VAC14: variants seen among roughly 807,000 people sequenced by gnomAD.
VAC14 encodes the protein protein VAC14 homolog.
Under a neutral mutation model 85.3 loss-of-function variants are expected in VAC14, and 47 were observed. The ratio of observed to expected loss-of-function variants is 0.55; its 90% CI spans 0.44 to 0.70. The LOEUF (loss-of-function observed/expected upper bound fraction) is 0.70. Among genes scored for constraint, VAC14 ranks in the 30% least tolerant of loss-of-function variants. The pLI is 0.00. For missense variants in VAC14, 861 were observed against 1,004.3 expected, an observed-to-expected ratio of 0.86 and a Z score of 1.93; for synonymous variants, 447 against 430.5, an observed-to-expected ratio of 1.04 and a Z score of -0.47.
At chr16:70,735,147 C>G (rs1241993520) in intron 13 of VAC14, among the ~76,000 whole-genome samples, 4 of 152,074 alleles carry the variant, frequency 2.6e-5, no homozygotes, top group East Asian at 1.9e-4. Flanking sequence ...CTGGCCGCAG[C>G]TCTCTGGAAA....
At chr16:70,789,635 A>G (rs139413814) in intron 1 of VAC14, among the ~76,000 whole-genome samples, 141 of 152,366 alleles carry the variant, frequency 9.3e-4, no homozygotes, top group African/African-American at 2.4e-3. Flanking sequence ...CACTGCCTAA[A>G]GAATTTATAA....
intron 12 of VAC14, chr16:70,747,592 A>G (rs1185739205): frequency 6.6e-6 from 1 of 151,870 alleles, no homozygotes; most frequent in Non-Finnish European, 1.5e-5. Flanking sequence ...GTGGGGTCTC[A>G]CCCACTCCCT....
intron 13 of VAC14, among the ~76,000 whole-genome samples, chr16:70,735,273 G>A (rs1380698796): frequency 1.3e-5 from 2 of 151,978 alleles, no homozygotes; most frequent in African/African-American, 4.8e-5. Flanking sequence ...CTTTCTCCCT[G>A]GACCAGTGAG....
intron 1 of VAC14, among the ~76,000 whole-genome samples, chr16:70,799,911 T>G (rs533814435): frequency 6.6e-6 from 1 of 152,318 alleles, no homozygotes; most frequent in South Asian, 2.1e-4. Context: ...AAACTAAAGT[T>G]TAATCTTTAA....
intron 13 of VAC14, among the ~76,000 whole-genome samples, chr16:70,738,284 G>T (rs12449025): frequency 7.2e-5 from 11 of 151,980 alleles, no homozygotes; most frequent in African/African-American, 2.7e-4. Flanking sequence ...AAAGGCCGCC[G>T]CAATGGCACC....
rs7189695 is a variant in VAC14, at chr16:70,748,813, C to G, written c.1372-4234G>C. On this transcript the variant is annotated intron_variant, in intron 12 of 18. Coordinates refer to ENST00000261776, the MANE Select transcript of VAC14 (RefSeq NM_018052.5). ...AATACAAAAATTAGTTGGTATGGTG[C>G]TGCGAATCTGTAATCCTAGCTACTC... is the stretch of plus-strand genomic sequence containing the variant. Among the ~76,000 whole-genome samples, 1,353 of 152,244 alleles carry G rather than the reference C, an allele frequency of 8.9e-3. 8 individuals are homozygous for G. The highest frequency in any genetic ancestry group is 0.034 in the Middle Eastern group (10 of 294).
intron 1 of VAC14, among the ~76,000 whole-genome samples, chr16:70,791,852 G>C (rs1042365082): frequency 6.6e-6 from 1 of 152,130 alleles, no homozygotes; most frequent in Admixed American, 6.5e-5. Flanking sequence ...ACCTGGGCAA[G>C]ACCCCACACT....
chr16:70,715,661 C>T (rs768925096), intron 14 of VAC14: 6 of 152,228 alleles, frequency 3.9e-5, no homozygotes, highest in Non-Finnish European at 4.4e-5. Flanking sequence ...GGGCTATAAC[C>T]GGGCTCCTTA....
chr16:70,732,358 C>G (rs1480387397), intron 13 of VAC14, among the ~76,000 whole-genome samples: 1 of 152,178 alleles, frequency 6.6e-6, no homozygotes, highest in East Asian at 1.9e-4. Flanking sequence ...TAACCAGGAG[C>G]ACAAATGTCT....
At chr16:70,790,548 T>C (rs1009864469) in intron 1 of VAC14, among the ~76,000 whole-genome samples, 1 of 152,178 alleles carries the variant, frequency 6.6e-6, no homozygotes, top group East Asian at 1.9e-4. Context: ...TGGGTTTGAA[T>C]GGCACTTAGG....
At position 70,731,437 on chromosome 16, in the gene VAC14, G is replaced by T. The variant is rs776858572; in HGVS notation, c.1661+58C>A. ...GGCTGCTTTGACACTTGAATGGCGT[G>T]AAAGTGAAAAGCCGGGGCCGTGGGA... is the stretch of plus-strand genomic sequence containing the variant. On this transcript the variant is annotated intron_variant, in intron 14 of 18. Transcript: ENST00000261776. 1.8e-5 allele frequency: 28 copies of T among 1,582,226 alleles called. No homozygotes were observed. The African/African-American group carries it at 3.7e-4, about 21-fold the overall frequency.
At chr16:70,698,566 GC>G in intron 15 of VAC14, 70 bp downstream of exon 15, 1 of 1,575,478 alleles carries the variant, frequency 6.3e-7, no homozygotes, top group Non-Finnish European at 8.7e-7. Flanking sequence ...CAGCCGAGGG[GC>G]GGGCTCACAC....
At chr16:70,766,978 T>C (rs374514645) in intron 10 of VAC14, among the ~76,000 whole-genome samples, 1 of 152,288 alleles carries the variant, frequency 6.6e-6, no homozygotes, top group African/African-American at 2.4e-5. Flanking sequence ...GTGGCTTACC[T>C]TACCCATCAA....
At chr16:70,721,281 G>A (rs1347710934) in intron 14 of VAC14, among the ~76,000 whole-genome samples, 2 of 152,150 alleles carry the variant, frequency 1.3e-5, no homozygotes, top group African/African-American at 4.8e-5. Flanking sequence ...CTGAGTGGGT[G>A]GAGTCAGTGG....
In VAC14 at chr16:70,743,698, G is replaced by A. The variant is rs185155103; in HGVS notation, c.1528+725C>T. ...GAACCCACCAGAAGGAATAAATTCC[G>A]GACACAAAAGCATGGGCCAACTAGG... is the stretch of plus-strand genomic sequence containing the variant. On this transcript the variant is annotated intron_variant, in intron 13 of 18. Transcript: ENST00000261776. Among the ~76,000 whole-genome samples, 1,331 of 152,294 alleles carry A rather than the reference G, an allele frequency of 8.7e-3. 10 individuals are homozygous for A. The highest frequency in any genetic ancestry group is 0.014 in the Non-Finnish European group (919 of 68,034).
intron 14 of VAC14, among the ~76,000 whole-genome samples, chr16:70,720,954 G>A (rs2054275717): frequency 6.6e-6 from 1 of 152,236 alleles, no homozygotes; most frequent in African/African-American, 2.4e-5. Context: ...AAAAATGAGC[G>A]CTGACTTGAG....
chr16:70,717,451 A>C (rs941018670), intron 14 of VAC14, among the ~76,000 whole-genome samples: 1 of 152,146 alleles, frequency 6.6e-6, no homozygotes. Context: ...TTCTTTTTTT[A>C]AAAAAGTATA....
intron 14 of VAC14, among the ~76,000 whole-genome samples, chr16:70,726,328 G>T (rs2054427744): frequency 1.3e-5 from 2 of 152,264 alleles, no homozygotes; most frequent in African/African-American, 4.8e-5. Context: ...CCTGGGCACT[G>T]GGGCAACAGG....
chr16:70,695,551 G>C lies in VAC14; in HGVS notation c.2028C>G (p.Ile676Met), dbSNP rs1200051451. The change falls in exon 17 of 19, where the codon ATC becomes ATG. Residue 676 changes from isoleucine to methionine, a missense_variant. Physicochemically the swap from Ile to Met is conservative, Grantham distance 10. Transcript: ENST00000261776. ...GTGGGAGGTGGTTCTTACATGTGAA[G>C]ATGGGGCACTCAATCAGCTGCACCA... ...DKLVQLIECP[I>M]FTYLRLQLLD... 1.2e-6 allele frequency: 2 copies of C among 1,613,972 alleles called. No homozygotes were observed. The highest frequency in any genetic ancestry group is 3.3e-5 in the Admixed American group (2 of 60,022).
Sources: gnomAD v4.1 joint callset for allele counts (sites outside exome capture counted in the v4.1 genomes callset) on GRCh38, gnomAD v4.1.1 for gene constraint, MANE v1.5 for transcripts, NCBI Gene and HGNC (gene_info 2026-07-23, HGNC 2026-07-21) for gene names.